HAS3: variants seen among roughly 807,000 people sequenced by gnomAD.
The protein encoded by HAS3 is HA synthase 3.
Under a neutral mutation model 50.3 loss-of-function variants are expected in HAS3, and 27 were observed. The observed-to-expected ratio is 0.54, with a 90% CI of 0.40 to 0.74. HAS3 has a LOEUF of 0.74. Ranked by LOEUF, HAS3 falls within the 30% of genes least tolerant of loss-of-function variation. HAS3 has a pLI of 0.00. For missense variants in HAS3, 517 were observed against 742.8 expected (o/e 0.70, Z 3.53); for synonymous variants, 339 against 310.9 (o/e 1.09, Z -0.95).
At chr16:69,083,548 G>A in the HAS3 span, 7 of 1,611,760 alleles carry the variant, frequency 4.3e-6, no homozygotes, top group East Asian at 2.2e-5. Context: ...TCTGGAGCCC[G>A]ATGACGTGGC....
intron 2 of HAS3, among the ~76,000 whole-genome samples, chr16:69,111,157 A>ATTTTTTTTTTTTTTTTTTTT (rs71148963): frequency 1.6e-5 from 1 of 62,274 alleles, no homozygotes; most frequent in East Asian, 6.1e-4. Context: ...CTAGGCCAGG[A>ATTTTTTTTTTTTTTTTTTTT]TTTTTTTTTT....
chr16:69,109,288 G>C lies in HAS3; in HGVS notation c.1-108G>C. On this transcript the variant is annotated intron_variant, in intron 1 of 3. Transcript: ENST00000569188. The surrounding 1 kb of genome is among the most constrained non-coding windows in gnomAD (Gnocchi z 5.3). ...GTCTTATGCTCAGTAAGCGGTAACG[G>C]TTTTGATCAGTGGGTCATGTCCACT... 1.7e-6 allele frequency: 2 copies of C among 1,159,694 alleles called. No homozygotes were observed. The highest frequency in any genetic ancestry group is 1.5e-5 in the South Asian group (1 of 65,606). 71.8% of individuals were successfully genotyped at this position (1,159,694 alleles called of 1,614,324 possible). A position where few individuals can be genotyped will look rare whatever the true frequency, so the allele number is the denominator to read the frequency against.
chr16:69,097,378 G>C, the HAS3 span, among the ~76,000 whole-genome samples: 25,697 of 150,692 alleles, frequency 0.17, 2,444 homozygotes, highest in African/African-American at 0.25. Context: ...ACCCAGGAGG[G>C]AGAGGTTGCA....
In HAS3 at chr16:69,107,577, C is replaced by T; in HGVS notation, c.-1+1790C>T. 1.0e-6 allele frequency: 1 copy of T among 985,520 alleles called. No homozygotes were observed. Among genetic ancestry groups the T allele is most frequent in the Non-Finnish European group, 1.2e-6 (1 of 830,000 alleles). 61.0% of individuals were successfully genotyped at this position (985,520 alleles called of 1,614,324 possible). A position where few individuals can be genotyped will look rare whatever the true frequency, so the allele number is the denominator to read the frequency against. ...GGCTGCTTTGACCTGGTGGGCGCCG[C>T]CTCCGGCACTGCACCGAGGCGGGGC... On this transcript the variant is annotated intron_variant, in intron 1 of 3. Coordinates refer to ENST00000569188, the MANE Select transcript of HAS3 (RefSeq NM_001199280.2). The surrounding 1 kb of genome is among the most constrained non-coding windows in gnomAD (Gnocchi z 5.5).
At chr16:69,096,250 T>C in the HAS3 span, among the ~76,000 whole-genome samples, 1 of 142,946 alleles carries the variant, frequency 7.0e-6, no homozygotes, top group African/African-American at 2.6e-5. Context: ...TGTGGGGACA[T>C]GGCTGGGCAC....
At chr16:69,089,102 G>A in the HAS3 span, among the ~76,000 whole-genome samples, 1 of 152,088 alleles carries the variant, frequency 6.6e-6, no homozygotes, top group African/African-American at 2.4e-5. Flanking sequence ...GCTCAAAAAG[G>A]AGAGCAAGCG....
At position 69,116,424 on chromosome 16, in the gene HAS3, ATG is replaced by A; in HGVS notation, c.*1163_*1164del. The A allele has an allele frequency of 1.0e-6, 1 of 985,878 alleles. No individual in the cohort carries two copies. Among genetic ancestry groups the A allele is most frequent in the Non-Finnish European group, 1.2e-6 (1 of 829,900 alleles). The allele number at this position is 985,878 out of a possible 1,614,324, so 61.1% of individuals were successfully genotyped here. A position where few individuals can be genotyped will look rare whatever the true frequency, so the allele number is the denominator to read the frequency against. ...CGGATTCCTTGGCAGCCGGGTTAGC[ATG>A]TGTGACTTTCAGGCTACTGTTCTTG... On this transcript the variant is annotated 3_prime_UTR_variant, in exon 4 of 4. Coordinates refer to ENST00000569188, the MANE Select transcript of HAS3 (RefSeq NM_001199280.2).
In HAS3 at chr16:69,107,182, G is replaced by A. The variant is rs947849828; in HGVS notation, c.-1+1395G>A. On this transcript the variant is annotated intron_variant, in intron 1 of 3. Transcript: ENST00000569188. The surrounding 1 kb of genome is among the most constrained non-coding windows in gnomAD (Gnocchi z 5.5). ...AGCCCCCCGCCCCAGGTCTGGGCAGGAGAACCTCGACCACAGCCTGCACCA... is the reference window on the plus strand; with the variant it reads ...AGCCCCCCGCCCCAGGTCTGGGCAGAAGAACCTCGACCACAGCCTGCACCA... The A allele has an allele frequency of 7.0e-6, 2 of 285,398 alleles. No individual in the cohort carries two copies. The highest frequency in any genetic ancestry group is 6.5e-5 in the Admixed American group (1 of 15,480). The allele number at this position is 285,398 out of a possible 1,614,324, so 17.7% of individuals were successfully genotyped here.
Position 69,109,415 on chromosome 16 carries a change from C to T in HAS3, c.20C>T (p.Thr7Ile), listed in dbSNP as rs1360638024. 6.2e-6 allele frequency: 10 copies of T among 1,607,732 alleles called. No homozygotes were observed. The highest frequency in any genetic ancestry group is 8.5e-6 in the Non-Finnish European group (10 of 1,178,010). ...CGCCAGATGCCGGTGCAGCTGACGACAGCCCTGCGTGTGGTGGGCACCAGC... is the reference window on the plus strand; with the variant it reads ...CGCCAGATGCCGGTGCAGCTGACGATAGCCCTGCGTGTGGTGGGCACCAGC... The part of the protein sequence containing the change: MPVQLT[T>I]ALRVVGTSLF... The change falls in exon 2 of 4, where the codon ACA (threonine) becomes ATA (isoleucine). Residue 7 changes from threonine (T) to isoleucine (I), a missense_variant. Physicochemically the swap from Thr to Ile is moderately conservative, Grantham distance 89. Coordinates refer to ENST00000569188, the MANE Select transcript of HAS3 (RefSeq NM_001199280.2). The surrounding 1 kb of genome is among the most constrained non-coding windows in gnomAD (Gnocchi z 5.3).
upstream of HAS3, among the ~76,000 whole-genome samples, chr16:69,104,821 T>C (rs1014204234): frequency 6.6e-6 from 1 of 151,956 alleles, no homozygotes. Context: ...GTGTGAGGTC[T>C]GTGGCCCAGA....
upstream of HAS3, among the ~76,000 whole-genome samples, chr16:69,103,362 A>G (rs1338009328): frequency 5.3e-5 from 8 of 152,338 alleles, no homozygotes; most frequent in South Asian, 8.3e-4. Flanking sequence ...CCAGGGCTCC[A>G]GGGTTCATAA....
chr16:69,118,177 GTTCT>G (rs760724893), downstream of HAS3: 4 of 509,548 alleles, frequency 7.9e-6, no homozygotes, highest in Non-Finnish European at 1.4e-5. Flanking sequence ...AAATTTTGAG[GTTCT>G]TTGATTGATT....
the HAS3 span, among the ~76,000 whole-genome samples, chr16:69,097,882 T>G: frequency 6.6e-6 from 1 of 152,188 alleles, no homozygotes; most frequent in African/African-American, 2.4e-5. Context: ...GGCATAGCTC[T>G]GCAGACTCCG....
chr16:69,115,214 G>C lies in HAS3; in HGVS notation c.1610G>C (p.Arg537Pro). 1 of 1,547,750 alleles carries C rather than the reference G, an allele frequency of 6.5e-7. No homozygotes were observed. Among genetic ancestry groups the C allele is most frequent in the Non-Finnish European group, 8.7e-7 (1 of 1,148,226 alleles). Residue 537 changes from arginine to proline, a missense_variant, in exon 4 of 4, where the codon CGG becomes CCG. Physicochemically the swap from Arg to Pro is moderately radical, Grantham distance 103. Transcript: ENST00000569188. ...LLMLYLAIIA[R>P]RCGKKPEQYS... The stretch of plus-strand genomic sequence containing the variant: ...ATGCTATATCTGGCCATCATCGCCC[G>C]GCGATGTGGGAAGAAGCCGGAGCAG...
rs1011068936 is a variant in HAS3 at position 69,115,815 on chromosome 16, G to C, written c.*549G>C. 2 of 986,074 alleles carry C rather than the reference G, an allele frequency of 2.0e-6. No individual in the cohort carries two copies. Among genetic ancestry groups the C allele is most frequent in the Non-Finnish European group, 2.4e-6 (2 of 830,164 alleles). The allele number at this position is 986,074 out of a possible 1,614,324, so 61.1% of individuals were successfully genotyped here. A position where few individuals can be genotyped will look rare whatever the true frequency, so the allele number is the denominator to read the frequency against. Reference sequence around the variant, plus strand: ...CCTGATCTTTGGGCATCAGAAAACAGGGTCCAGGAATGGTGCTTTATGTGA... The same window carrying C: ...CCTGATCTTTGGGCATCAGAAAACACGGTCCAGGAATGGTGCTTTATGTGA... On this transcript the variant is annotated 3_prime_UTR_variant, in exon 4 of 4. Transcript: ENST00000569188.
In HAS3 at chr16:69,115,432, A is replaced by C. The variant is rs1961150065; in HGVS notation, c.*166A>C. 15 of 1,350,684 alleles carry C rather than the reference A, an allele frequency of 1.1e-5. No individual in the cohort carries two copies. The South Asian group carries it at 2.9e-4, about 26-fold the overall frequency. The allele number at this position is 1,350,684 out of a possible 1,614,324, so 83.7% of individuals were successfully genotyped here. A position where few individuals can be genotyped will look rare whatever the true frequency, so the allele number is the denominator to read the frequency against. ...GAACGGTGATGTAGTATGGCCTGACAGCTCTGTTTAGAGGAGGCAACACTG... is the reference window on the plus strand; with the variant it reads ...GAACGGTGATGTAGTATGGCCTGACCGCTCTGTTTAGAGGAGGCAACACTG... On this transcript the variant is annotated 3_prime_UTR_variant, in exon 4 of 4. Transcript: ENST00000569188.
In HAS3 at chr16:69,114,966, G is replaced by A; in HGVS notation, c.1362G>A (p.Lys454=). 1 of 1,614,134 alleles carries A rather than the reference G, an allele frequency of 6.2e-7. No homozygotes were observed. Among genetic ancestry groups the A allele is most frequent in the Non-Finnish European group, 8.5e-7 (1 of 1,180,038 alleles). Residue 454 remains lysine, a synonymous_variant, in exon 4 of 4, where the codon AAG becomes AAA. Coordinates refer to ENST00000569188, the MANE Select transcript of HAS3 (RefSeq NM_001199280.2). This position sits in a 1 kb window ranked among gnomAD's most constrained non-coding sequence, Gnocchi z 6.4. The part of the protein sequence containing the change: ...LLYMSSLLPA[K]IFAIATINKS... ...ATATGTCCAGCCTTCTGCCGGCCAA[G>A]ATCTTTGCCATTGCTACCATCAACA...
chr16:69,094,963 C>T, the HAS3 span, among the ~76,000 whole-genome samples: 2 of 150,758 alleles, frequency 1.3e-5, no homozygotes, highest in Non-Finnish European at 3.0e-5. Flanking sequence ...CTTGACAGCT[C>T]ACTAGTCCAT....
rs138090813 is a variant in HAS3 at position 69,108,582 on chromosome 16, C to T, written c.1-814C>T. ...ATGCTGCACGGGCACTAGGACCAAG[C>T]GGATGGGATGCCCAGGCAGCCACTG... On this transcript the variant is annotated intron_variant, in intron 1 of 3. Coordinates refer to ENST00000569188, the MANE Select transcript of HAS3 (RefSeq NM_001199280.2). 5.7e-4 allele frequency among the ~76,000 whole-genome samples: 87 copies of T among 152,212 alleles called. 1 individual carries two copies. In the East Asian group the frequency reaches 0.014, roughly 24 times the overall value.
Sources: allele counts gnomAD v4.1 joint callset (sites outside exome capture counted in the v4.1 genomes callset), GRCh38; gene constraint gnomAD v4.1.1; non-coding constraint Gnocchi (gnomAD v3.1); transcripts MANE v1.5; gene names NCBI Gene and HGNC (gene_info 2026-07-23, HGNC 2026-07-21).